The following GRID2 variants were observed in gnomAD, a reference collection of about 807,000 sequenced individuals.
GRID2 encodes the protein glutamate receptor ionotropic, delta-2.
GRID2 carries 33 observed loss-of-function variants against 114.8 expected under a neutral mutation model. That is an observed-to-expected ratio of 0.29 (90% confidence interval 0.22 to 0.38). GRID2 has a LOEUF of 0.38. GRID2 is among the 10% of genes least tolerant of loss of function. The pLI is 1.00. For synonymous variants in GRID2, 505 were observed against 449.9 expected (o/e 1.12, Z -1.55); for missense variants, 1,184 against 1,257.7 (o/e 0.94, Z 0.89).
chr4:92,391,039 C>T (rs146443609), intron 1 of GRID2, among the ~76,000 whole-genome samples: 1 of 152,214 alleles, frequency 6.6e-6, no homozygotes, highest in East Asian at 1.9e-4. Flanking sequence ...CAGTATTTTC[C>T]TTACTAATAG....
At chr4:92,678,718 T>A (rs193079347) in intron 2 of GRID2, among the ~76,000 whole-genome samples, 64 of 152,056 alleles carry the variant, frequency 4.2e-4, no homozygotes, top group African/African-American at 1.4e-3. Flanking sequence ...TAAAAATAAA[T>A]GAGTTATCAG....
At chr4:92,777,655 G>C (rs139524222) in intron 2 of GRID2, among the ~76,000 whole-genome samples, 43 of 151,516 alleles carry the variant, frequency 2.8e-4, no homozygotes, top group South Asian at 8.3e-4. Context: ...GGTTAAATAA[G>C]GTCATCGAGC....
chr4:93,365,730 C>T (rs188242779), intron 8 of GRID2, among the ~76,000 whole-genome samples: 1 of 152,216 alleles, frequency 6.6e-6, no homozygotes, highest in East Asian at 1.9e-4. Context: ...CTTACTTGGC[C>T]ATAAAGCTCT....
chr4:93,287,885 G>A (rs1462169739), intron 8 of GRID2, among the ~76,000 whole-genome samples: 1 of 152,116 alleles, frequency 6.6e-6, no homozygotes, highest in East Asian at 1.9e-4. Flanking sequence ...AATATTATTA[G>A]CATAAAAGCT....
intron 1 of GRID2, among the ~76,000 whole-genome samples, chr4:92,330,964 A>G (rs756041183): frequency 9.2e-5 from 14 of 152,250 alleles, no homozygotes; most frequent in Non-Finnish European, 1.0e-4. Flanking sequence ...ACTTATCAAA[A>G]TTCATTTAAA....
In GRID2 at chr4:93,490,679, G is replaced by C. The variant is rs773588874; in HGVS notation, c.1899G>C (p.Met633Ile). Reference sequence around the variant, plus strand: ...ACACGACTCTGGCTACCCGAATGATGATGGGGGCTTGGTGGCTATTTGCTT... The same window carrying C: ...ACACGACTCTGGCTACCCGAATGATCATGGGGGCTTGGTGGCTATTTGCTT... ...VPYTTLATRM[M>I]MGAWWLFALI... Residue 633 changes from methionine to isoleucine, a missense_variant, in exon 12 of 16, where the codon ATG (methionine) becomes ATC (isoleucine). Physicochemically the swap from Met to Ile is conservative, Grantham distance 10. Transcript: ENST00000282020. The C allele has an allele frequency of 1.9e-6, 3 of 1,610,888 alleles. No individual in the cohort carries two copies. Among genetic ancestry groups the C allele is most frequent in the African/African-American group, 1.3e-5 (1 of 74,878 alleles).
chr4:92,762,797 C>G (rs918577622), intron 2 of GRID2, among the ~76,000 whole-genome samples: 4 of 152,150 alleles, frequency 2.6e-5, no homozygotes, highest in African/African-American at 7.2e-5. Flanking sequence ...TACTTTTTAT[C>G]CTGTGATGTT....
intron 13 of GRID2, among the ~76,000 whole-genome samples, chr4:93,592,340 GT>G: frequency 6.6e-6 from 1 of 152,270 alleles, no homozygotes; most frequent in African/African-American, 2.4e-5. Flanking sequence ...GGAGGAGGTT[GT>G]TCAGTTTCCA....
chr4:92,496,386 A>G (rs1723391358), intron 1 of GRID2, among the ~76,000 whole-genome samples: 1 of 151,864 alleles, frequency 6.6e-6, no homozygotes, highest in Admixed American at 6.6e-5. Context: ...CATACTTCTT[A>G]GATCTTGTAT....
chr4:92,918,103 C>A (rs1748966950), intron 2 of GRID2, among the ~76,000 whole-genome samples: 3 of 152,094 alleles, frequency 2.0e-5, no homozygotes, highest in Admixed American at 2.0e-4. Flanking sequence ...ATTTTATTCT[C>A]TTTGAAGCAA....
In GRID2 at chr4:92,983,912, T is replaced by G. The variant is rs147326800; in HGVS notation, c.245-101083T>G. ...CTAGTGAACTAATAGAAAACAAAAC[T>G]AAACTTGAAGAAAGAAGCAATAGCC... On this transcript the variant is annotated intron_variant, in intron 2 of 15. Coordinates refer to ENST00000282020, the MANE Select transcript of GRID2 (RefSeq NM_001510.4). Among the ~76,000 whole-genome samples the G allele has an allele frequency of 7.0e-3, 1,070 of 152,142 alleles. 21 individuals are homozygous for G. Among genetic ancestry groups the G allele is most frequent in the African/African-American group, 0.025 (1,021 of 41,516 alleles).
At chr4:92,636,678 A>G (rs1041015767) in intron 2 of GRID2, among the ~76,000 whole-genome samples, 1 of 152,004 alleles carries the variant, frequency 6.6e-6, no homozygotes, top group Non-Finnish European at 1.5e-5. Flanking sequence ...CAAAGGTTGC[A>G]TTATTGGTTG....
chr4:93,539,379 T>C (rs1049559226), intron 13 of GRID2, among the ~76,000 whole-genome samples: 2 of 152,006 alleles, frequency 1.3e-5, no homozygotes, highest in Admixed American at 6.6e-5. Context: ...TTAATGTATA[T>C]GTCCTTAGCA....
rs55884836 is a variant in GRID2, at chr4:93,229,052, A to G, written c.1125+4277A>G. 2.6e-3 allele frequency among the ~76,000 whole-genome samples: 398 copies of G among 152,276 alleles called. 2 individuals are homozygous for G. Among genetic ancestry groups the G allele is most frequent in the African/African-American group, 9.2e-3 (384 of 41,562 alleles). ...CCAGTGTCACATTTTAAAGAAATAT[A>G]TCCATTCTTTGTGTCAAGAAACTCA... On this transcript the variant is annotated intron_variant, in intron 7 of 15. Transcript: ENST00000282020.
At chr4:92,998,152 A>G (rs1755320418) in intron 2 of GRID2, among the ~76,000 whole-genome samples, 1 of 152,070 alleles carries the variant, frequency 6.6e-6, no homozygotes, top group South Asian at 2.1e-4. Flanking sequence ...CTCCCTTGAA[A>G]TTAATGAAAC....
intron 4 of GRID2, among the ~76,000 whole-genome samples, chr4:93,113,078 G>A (rs1392801835): frequency 6.6e-6 from 1 of 152,168 alleles, no homozygotes; most frequent in Admixed American, 6.6e-5. Context: ...GCTGTTATGA[G>A]CAAATAAGGC....
At chr4:93,218,408 G>A (rs1270134675) in intron 6 of GRID2, among the ~76,000 whole-genome samples, 1 of 152,092 alleles carries the variant, frequency 6.6e-6, no homozygotes, top group Admixed American at 6.6e-5. Context: ...GGAGGCTGAG[G>A]TGGGAGAATC....
intron 1 of GRID2, among the ~76,000 whole-genome samples, chr4:93,791,502 C>T (rs1014408022): frequency 1.3e-5 from 2 of 151,832 alleles, no homozygotes; most frequent in Non-Finnish European, 2.9e-5. Flanking sequence ...TAAAAACGGT[C>T]TTTATATTTG....
intron 1 of GRID2, among the ~76,000 whole-genome samples, chr4:93,795,628 A>G (rs1023690822): frequency 2.6e-5 from 4 of 152,086 alleles, no homozygotes; most frequent in Admixed American, 2.0e-4. Flanking sequence ...TCTTTAATAG[A>G]TTATTTTATT....
Sources: allele counts gnomAD v4.1 joint callset (sites outside exome capture counted in the v4.1 genomes callset), GRCh38; gene constraint gnomAD v4.1.1; transcripts MANE v1.5; gene names NCBI Gene and HGNC (gene_info 2026-07-23, HGNC 2026-07-21).